DOCK10: variants seen among roughly 807,000 people sequenced by gnomAD.
DOCK10 encodes the protein dedicator of cytokinesis 10, also known as dedicator of cytokinesis protein 10.
A neutral mutation model predicts 280.1 loss-of-function variants in DOCK10; 145 were observed. That is an observed-to-expected ratio of 0.52 (90% CI 0.45 to 0.59). The LOEUF is 0.59. Ranked by LOEUF, DOCK10 falls within the 20% of genes least tolerant of loss-of-function variation. The pLI is 0.00. For missense variants in DOCK10, 2,368 were observed against 2,651.7 expected (o/e 0.89, Z 2.35); for synonymous variants, 915 against 942.2 (o/e 0.97, Z 0.53).
intron 19 of DOCK10, among the ~76,000 whole-genome samples, chr2:224,848,152 G>A (rs1448486276): frequency 6.6e-6 from 1 of 152,164 alleles, no homozygotes; most frequent in African/African-American, 2.4e-5. Flanking sequence ...CTGAAGGTTC[G>A]TCACCCTGCT....
chr2:224,946,725 T>C, intron 1 of DOCK10: 1 of 623,756 alleles, frequency 1.6e-6, no homozygotes, highest in Non-Finnish European at 2.6e-6. Context: ...AATGGAATCT[T>C]CTGTTCCATA....
At chr2:224,991,039 A>T (rs1706115014) in intron 1 of DOCK10, among the ~76,000 whole-genome samples, 8 of 152,262 alleles carry the variant, frequency 5.3e-5, no homozygotes, top group Admixed American at 5.2e-4. Flanking sequence ...ACTTTTGACC[A>T]GAAGCAATAT....
intron 11 of DOCK10, among the ~76,000 whole-genome samples, chr2:224,865,997 G>A (rs185731955): frequency 2.0e-5 from 3 of 152,170 alleles, no homozygotes; most frequent in Admixed American, 1.3e-4. Context: ...ATACTCCAGC[G>A]AGTGTTTTCC....
At chr2:224,982,124 G>A (rs1056395532) in intron 1 of DOCK10, 1 of 1,097,080 alleles carries the variant, frequency 9.1e-7, no homozygotes, top group Non-Finnish European at 1.2e-6. Flanking sequence ...TTTATCTAAC[G>A]CTAAACACCA....
chr2:224,915,428 T>C (rs1701251218), intron 3 of DOCK10, among the ~76,000 whole-genome samples: 1 of 152,174 alleles, frequency 6.6e-6, no homozygotes, highest in Admixed American at 6.5e-5. Flanking sequence ...TTAAAAGGTA[T>C]TGTAATGCAA....
chr2:224,991,862 C>T (rs773226518), intron 1 of DOCK10, among the ~76,000 whole-genome samples: 3 of 152,164 alleles, frequency 2.0e-5, no homozygotes, highest in Non-Finnish European at 4.4e-5. Context: ...TGTTCTACCC[C>T]AGTACAATGG....
rs530843687 is a variant in DOCK10, at chr2:224,935,816, T to G, written c.124-4148A>C. On this transcript the variant is annotated intron_variant, in intron 1 of 55. Coordinates refer to ENST00000258390, the MANE Select transcript of DOCK10 (RefSeq NM_014689.3). ...GAGCAAATAGTAGGCACTCAATAACTATTTGTTAAATAAATAAATTTATAT... is the reference window on the plus strand; with the variant it reads ...GAGCAAATAGTAGGCACTCAATAACGATTTGTTAAATAAATAAATTTATAT... Among the ~76,000 whole-genome samples the G allele has an allele frequency of 2.0e-5, 3 of 152,336 alleles. No homozygotes were observed. In the East Asian group the frequency reaches 5.8e-4, roughly 29 times the overall value.
chr2:224,880,690 G>T (rs1025222886), intron 7 of DOCK10, among the ~76,000 whole-genome samples: 13 of 152,270 alleles, frequency 8.5e-5, no homozygotes, highest in Admixed American at 6.5e-4. Flanking sequence ...GTGGCAAACT[G>T]TTCTGCTTCC....
chr2:224,825,444 T>C (rs1320160191), intron 27 of DOCK10, among the ~76,000 whole-genome samples: 2 of 152,230 alleles, frequency 1.3e-5, no homozygotes, highest in Non-Finnish European at 2.9e-5. Context: ...TTAAATTCTC[T>C]TCCATAAAAC....
At chr2:225,037,566 C>T (rs1046958593) in intron 1 of DOCK10, among the ~76,000 whole-genome samples, 2 of 152,180 alleles carry the variant, frequency 1.3e-5, no homozygotes, top group African/African-American at 4.8e-5. Context: ...ATATCAGTTA[C>T]TTAACTTAGG....
intron 1 of DOCK10, among the ~76,000 whole-genome samples, chr2:225,007,068 T>C (rs569182343): frequency 6.6e-6 from 1 of 152,320 alleles, no homozygotes; most frequent in South Asian, 2.1e-4. Flanking sequence ...TTGCTTTCTG[T>C]TTACTTCTAG....
intron 4 of DOCK10, among the ~76,000 whole-genome samples, chr2:224,892,645 A>G (rs539418149): frequency 5.4e-4 from 82 of 152,230 alleles, no homozygotes; most frequent in African/African-American, 1.9e-3. Flanking sequence ...ACAGGTTCTG[A>G]GGAGGGGCCA....
intron 1 of DOCK10, chr2:224,983,740 T>C: frequency 2.1e-6 from 1 of 470,856 alleles, no homozygotes; most frequent in Non-Finnish European, 4.4e-6. Context: ...CATGCTTCTT[T>C]TTCTTTTAAG....
At chr2:225,035,839 G>A (rs1690245558) in intron 1 of DOCK10, among the ~76,000 whole-genome samples, 1 of 151,356 alleles carries the variant, frequency 6.6e-6, no homozygotes. Context: ...CCGCCTTCTT[G>A]TTGTGTCCTC....
At chr2:224,935,564 C>T (rs1232706261) in intron 1 of DOCK10, among the ~76,000 whole-genome samples, 1 of 152,186 alleles carries the variant, frequency 6.6e-6, no homozygotes, top group Non-Finnish European at 1.5e-5. Context: ...AGCTGTGGAA[C>T]TTCAGCCGTG....
intron 1 of DOCK10, among the ~76,000 whole-genome samples, chr2:225,034,572 G>A (rs1014590169): frequency 1.3e-5 from 2 of 152,124 alleles, no homozygotes; most frequent in African/African-American, 4.8e-5. Flanking sequence ...TAACCTTTCA[G>A]TAATGTACAT....
intron 1 of DOCK10, among the ~76,000 whole-genome samples, chr2:225,025,168 G>A (rs779420716): frequency 1.2e-4 from 18 of 152,202 alleles, no homozygotes; most frequent in Non-Finnish European, 2.2e-4. Context: ...ATCAGGGAAG[G>A]ATTCTTGAGG....
At chr2:224,904,579 G>A (rs1700477342) in intron 3 of DOCK10, among the ~76,000 whole-genome samples, 1 of 152,106 alleles carries the variant, frequency 6.6e-6, no homozygotes, top group Non-Finnish European at 1.5e-5. Context: ...ATACATATGA[G>A]TCATTCATTT....
intron 44 of DOCK10, among the ~76,000 whole-genome samples, chr2:224,795,510 T>G (rs996197105): frequency 1.3e-5 from 2 of 152,236 alleles, no homozygotes; most frequent in Non-Finnish European, 2.9e-5. Context: ...TTATTTAAGC[T>G]TGGATCAAAG....
Sources: gnomAD v4.1 joint callset for allele counts (sites outside exome capture counted in the v4.1 genomes callset) on GRCh38, gnomAD v4.1.1 for gene constraint, MANE v1.5 for transcripts, NCBI Gene and HGNC (gene_info 2026-07-23, HGNC 2026-07-21) for gene names.